EDA2R: variants seen among roughly 807,000 people sequenced by gnomAD.
EDA2R encodes ectodysplasin A2 receptor, also known as tumor necrosis factor receptor superfamily member 27.
Under a neutral mutation model 20.1 loss-of-function variants are expected in EDA2R, and 26 were observed. The observed-to-expected ratio is 1.30, with a 90% CI of 0.95 to 1.80. The LOEUF (loss-of-function observed/expected upper bound fraction) is 1.80. EDA2R is among the 40% of genes most tolerant of loss of function. The pLI is 0.00. For missense variants in EDA2R, 277 were observed against 228.7 expected (o/e 1.21, Z -1.36); for synonymous variants, 114 against 88.7 (o/e 1.29, Z -1.60).
Position 66,602,806 on chromosome X carries a change from CA to C in EDA2R, c.353-10del. The C allele has an allele frequency of 7.7e-6, 9 of 1,166,014 alleles. No individual in the cohort carries two copies. The highest frequency in any genetic ancestry group is 2.6e-5 in the Admixed American group (1 of 38,471). Reference sequence around the variant, plus strand: ...GCTCAACTGGAAGGCACCTGTGAGACAAAAAAATGGGGGAGGTCAGTTAGCA... The same window carrying C: ...GCTCAACTGGAAGGCACCTGTGAGACAAAAAATGGGGGAGGTCAGTTAGCA... On this transcript the variant is annotated splice_polypyrimidine_tract_variant and intron_variant, in intron 4 of 6. Coordinates refer to ENST00000374719, the MANE Select transcript of EDA2R (RefSeq NM_021783.5).
chrX:66,613,306 T>C (rs1453482582), intron 2 of EDA2R, among the ~76,000 whole-genome samples: 2 of 111,672 alleles, frequency 1.8e-5, no homozygotes, highest in Non-Finnish European at 3.8e-5. Flanking sequence ...ATCTACTATA[T>C]GTCTGTCTAC....
intron 5 of EDA2R, among the ~76,000 whole-genome samples, chrX:66,601,309 G>T (rs1928555507): frequency 9.0e-6 from 1 of 111,521 alleles, no homozygotes; most frequent in Non-Finnish European, 1.9e-5. Flanking sequence ...ATGCACCCAG[G>T]GCCTAAGCAA....
intron 4 of EDA2R, among the ~76,000 whole-genome samples, chrX:66,603,772 C>A (rs1256475032): frequency 9.0e-6 from 1 of 111,552 alleles, no homozygotes; most frequent in Non-Finnish European, 1.9e-5. Flanking sequence ...TCTGTGGAAT[C>A]TTTATTCTTT....
chrX:66,599,682 C>T lies in EDA2R; in HGVS notation c.696G>A (p.Glu232=), dbSNP rs140879111. Residue 232 remains glutamate, a synonymous_variant, in exon 6 of 7, where the codon GAG becomes GAA. Coordinates refer to ENST00000374719, the MANE Select transcript of EDA2R (RefSeq NM_021783.5). ...CSSTSGFPTQ[E]SFTMASCTSE... ...AGGTGCAGGAGGCCATGGTAAAGGACTCCTGTGTGGGGAAGCCACTAGTCG... is the reference window on the plus strand; with the variant it reads ...AGGTGCAGGAGGCCATGGTAAAGGATTCCTGTGTGGGGAAGCCACTAGTCG... 5.1e-5 allele frequency: 62 copies of T among 1,206,923 alleles called. No individual in the cohort carries two copies. Among genetic ancestry groups the T allele is most frequent in the Admixed American group, 4.4e-4 (20 of 45,542 alleles).
In EDA2R at chrX:66,617,390, G is replaced by A. The variant is rs753514169; in HGVS notation, c.-10-1360C>T. ...GTGCTGATTTGATTGCTGGCCCATG[G>A]TGTTGGCCTCAGTAGGCATGCTTCC... On this transcript the variant is annotated intron_variant, in intron 1 of 6. Transcript: ENST00000374719. 5.4e-5 allele frequency among the ~76,000 whole-genome samples: 6 copies of A among 111,801 alleles called. No individual in the cohort carries two copies. The South Asian group carries it at 1.1e-3, about 21-fold the overall frequency.
In EDA2R at chrX:66,597,879, C is replaced by G. The variant is rs1048049111; in HGVS notation, c.*225G>C. On this transcript the variant is annotated 3_prime_UTR_variant, in exon 7 of 7. Coordinates refer to ENST00000374719, the MANE Select transcript of EDA2R (RefSeq NM_021783.5). ...TCTGGTAGTCCCATGAATGTGGAAT[C>G]TGGCTCCCCAGACTACAAAAGGGAA... 1 of 275,175 alleles carries G rather than the reference C, an allele frequency of 3.6e-6. No homozygotes were observed. Among genetic ancestry groups the G allele is most frequent in the African/African-American group, 2.8e-5 (1 of 35,099 alleles). The allele number at this position is 275,175 out of a possible 1,213,427, so 22.7% of individuals were successfully genotyped here. A position where few individuals can be genotyped will look rare whatever the true frequency, so the allele number is the denominator to read the frequency against.
chrX:66,599,405 T>A, intron 6 of EDA2R, 69 bp downstream of exon 6: 1 of 1,036,743 alleles, frequency 9.6e-7, no homozygotes, highest in Admixed American at 4.0e-5. Flanking sequence ...AAAAGAGAAT[T>A]CCTTGAGGTT....
At chrX:66,602,432 A>C (rs764364385) in intron 5 of EDA2R, among the ~76,000 whole-genome samples, 1 of 111,053 alleles carries the variant, frequency 9.0e-6, no homozygotes, top group South Asian at 3.9e-4. Flanking sequence ...CTAAACTCTC[A>C]GGGTTGGCTT....
At chrX:66,611,263 T>C (rs1356679929) in intron 2 of EDA2R, among the ~76,000 whole-genome samples, 1 of 111,263 alleles carries the variant, frequency 9.0e-6, no homozygotes, top group Non-Finnish European at 1.9e-5. Context: ...ACCCTGAGTC[T>C]CCTGACATAA....
At chrX:66,635,822 A>G (rs1032659516) in intron 1 of EDA2R, among the ~76,000 whole-genome samples, 2 of 112,441 alleles carry the variant, frequency 1.8e-5, no homozygotes, top group African/African-American at 6.5e-5. Flanking sequence ...TAAATCTGCA[A>G]TTCCCTCATT....
At chrX:66,599,951 G>T (rs759714282) in intron 5 of EDA2R, 91 bp from the exon 6 acceptor site, 4 of 1,138,455 alleles carry the variant, frequency 3.5e-6, no homozygotes, top group African/African-American at 1.8e-5. Flanking sequence ...ACAGGTAAAG[G>T]TCTGGGAGCT....
intron 1 of EDA2R, among the ~76,000 whole-genome samples, chrX:66,621,613 G>A (rs928357551): frequency 1.8e-5 from 2 of 112,441 alleles, no homozygotes; most frequent in African/African-American, 6.5e-5. Context: ...ATGAATGAAC[G>A]TTGAAAACAT....
intron 1 of EDA2R, among the ~76,000 whole-genome samples, chrX:66,632,935 A>T (rs1362046646): frequency 8.9e-6 from 1 of 112,172 alleles, no homozygotes; most frequent in East Asian, 2.8e-4. Context: ...TGTCAGGAAT[A>T]GTATATCAAC....
chrX:66,604,372 G>T, intron 4 of EDA2R, 49 bp downstream of exon 4: 3 of 1,137,779 alleles, frequency 2.6e-6, no homozygotes, highest in Non-Finnish European at 1.2e-6. Flanking sequence ...CTATCTTGCT[G>T]CCACCCAATG....
intron 2 of EDA2R, among the ~76,000 whole-genome samples, chrX:66,614,905 T>A (rs1398022845): frequency 1.8e-5 from 2 of 111,285 alleles, no homozygotes; most frequent in Non-Finnish European, 3.8e-5. Flanking sequence ...CTCCCTCTCA[T>A]TCACCATACA....
chrX:66,625,876 G>A (rs5965282), intron 1 of EDA2R, among the ~76,000 whole-genome samples: 7,365 of 111,514 alleles, frequency 0.066, 595 homozygotes, highest in African/African-American at 0.23. Context: ...GCCCAAAGCC[G>A]GATAGACTTG....
intron 1 of EDA2R, among the ~76,000 whole-genome samples, chrX:66,621,628 C>T (rs757224672): frequency 1.6e-4 from 18 of 112,104 alleles, no homozygotes; most frequent in Admixed American, 5.6e-4. Context: ...AAACATTATG[C>T]TAAATAAAAG....
Position 66,605,029 on chromosome X carries a change from T to A in EDA2R, c.266+19A>T. The A allele has an allele frequency of 8.5e-7, 1 of 1,181,420 alleles. No homozygotes were observed. Among genetic ancestry groups the A allele is most frequent in the Non-Finnish European group, 1.1e-6 (1 of 878,667 alleles). On this transcript the variant is annotated intron_variant, in intron 3 of 6. Coordinates refer to ENST00000374719, the MANE Select transcript of EDA2R (RefSeq NM_021783.5). ...GCTAGAAAAGCCCAGACAAGCTTGG[T>A]CTCATAAAGCAAGCTCACCTGGGCA... is the stretch of plus-strand genomic sequence containing the variant.
intron 2 of EDA2R, among the ~76,000 whole-genome samples, chrX:66,606,177 A>AT (rs1459105093): frequency 1.8e-5 from 2 of 112,164 alleles, no homozygotes; most frequent in African/African-American, 6.5e-5. Flanking sequence ...CAAAGAAACA[A>AT]TTCTAGTTGT....
Sources: allele counts gnomAD v4.1 joint callset (sites outside exome capture counted in the v4.1 genomes callset), GRCh38; gene constraint gnomAD v4.1.1; transcripts MANE v1.5; gene names NCBI Gene and HGNC (gene_info 2026-07-23, HGNC 2026-07-21).